Variants in MBD5 observed in about 807,000 individuals in gnomAD.
MBD5 encodes the protein methyl-CpG binding domain protein 5.
In MBD5, 13 loss-of-function variants were observed where a neutral mutation model predicts 117.3. That is an observed-to-expected ratio of 0.11 (90% CI 0.07 to 0.18). MBD5 has a LOEUF of 0.18. Ranked by LOEUF, MBD5 falls within the 10% of genes least tolerant of loss-of-function variation. MBD5 has a pLI of 1.00. For synonymous variants in MBD5, 727 were observed against 766.4 expected (o/e 0.95, Z 0.85); for missense variants, 1,879 against 2,093.8 (o/e 0.90, Z 2.00).
At chr2:148,146,300 C>T (rs1214755448) in intron 1 of MBD5, among the ~76,000 whole-genome samples, 2 of 152,094 alleles carry the variant, frequency 1.3e-5, no homozygotes, top group African/African-American at 4.8e-5. Context: ...TGCCCTTTTG[C>T]CCAGGCTGAA....
At chr2:148,420,105 GAAT>G (rs1705554829) in intron 4 of MBD5, among the ~76,000 whole-genome samples, 2 of 152,066 alleles carry the variant, frequency 1.3e-5, no homozygotes, top group Admixed American at 6.6e-5. Flanking sequence ...AAATTGTTTT[GAAT>G]TGTTTTTCCC....
chr2:148,064,290 T>C (rs570593483), intron 1 of MBD5, among the ~76,000 whole-genome samples: 10 of 152,100 alleles, frequency 6.6e-5, no homozygotes, highest in Admixed American at 2.0e-4. Flanking sequence ...TAATTTTTTG[T>C]ATTTTTAGTA....
intron 4 of MBD5, among the ~76,000 whole-genome samples, chr2:148,450,063 C>A (rs1465723852): frequency 6.6e-6 from 1 of 151,822 alleles, no homozygotes; most frequent in East Asian, 1.9e-4. Context: ...TATGTTTTTT[C>A]ACCTAACAAA....
chr2:148,301,942 C>T (rs1040324196), intron 3 of MBD5, among the ~76,000 whole-genome samples: 1 of 152,026 alleles, frequency 6.6e-6, no homozygotes, highest in South Asian at 2.1e-4. Context: ...TTCCCTGGCA[C>T]CAGCTGTGAC....
At chr2:148,332,026 A>T (rs1400994009) in intron 3 of MBD5, among the ~76,000 whole-genome samples, 1 of 152,152 alleles carries the variant, frequency 6.6e-6, no homozygotes, top group African/African-American at 2.4e-5. Flanking sequence ...AAGAAAGAAG[A>T]AATTTGCAAA....
intron 3 of MBD5, among the ~76,000 whole-genome samples, chr2:148,235,015 T>C (rs1700062744): frequency 2.0e-5 from 3 of 152,132 alleles, no homozygotes; most frequent in Admixed American, 2.0e-4. Flanking sequence ...GAACCCCCTA[T>C]GAATACCAAA....
At chr2:148,188,062 T>C (rs1221473575) in intron 2 of MBD5, among the ~76,000 whole-genome samples, 1 of 152,182 alleles carries the variant, frequency 6.6e-6, no homozygotes, top group African/African-American at 2.4e-5. Context: ...TCCAGAATGG[T>C]CCAAAATTCA....
chr2:148,057,127 C>A (rs1427260415), intron 1 of MBD5, among the ~76,000 whole-genome samples: 1 of 151,612 alleles, frequency 6.6e-6, no homozygotes, highest in Non-Finnish European at 1.5e-5. Context: ...ATAAGATTAG[C>A]AATTTTATTA....
chr2:148,179,354 CAA>C (rs762312262), intron 2 of MBD5, among the ~76,000 whole-genome samples: 14 of 70,880 alleles, frequency 2.0e-4, no homozygotes, highest in Non-Finnish European at 1.8e-4. Flanking sequence ...GACTCTGTCT[CAA>C]AAAAAAAAAA....
At chr2:148,366,589 G>A (rs184396960) in intron 4 of MBD5, among the ~76,000 whole-genome samples, 83 of 152,242 alleles carry the variant, frequency 5.5e-4, no homozygotes, top group African/African-American at 1.9e-3. Flanking sequence ...CATTGTCTCA[G>A]CCCAAAATCT....
At chr2:148,383,546 A>C (rs1020462290) in intron 4 of MBD5, among the ~76,000 whole-genome samples, 20 of 152,134 alleles carry the variant, frequency 1.3e-4, no homozygotes, top group Admixed American at 5.9e-4. Flanking sequence ...AGCTGGTACC[A>C]TTCCTTCTGA....
At chr2:148,297,200 A>G (rs148195268) in intron 3 of MBD5, among the ~76,000 whole-genome samples, 33 of 152,172 alleles carry the variant, frequency 2.2e-4, no homozygotes, top group African/African-American at 7.9e-4. Flanking sequence ...TGCATATCTT[A>G]TAATATTTTA....
chr2:148,295,897 A>AG (rs750712175), intron 3 of MBD5: 28 of 163,688 alleles, frequency 1.7e-4, no homozygotes, highest in Non-Finnish European at 3.6e-4. Context: ...TTTCAGATGT[A>AG]GAGCTCTAAT....
chr2:148,408,887 T>C (rs1705165309), intron 4 of MBD5, among the ~76,000 whole-genome samples: 1 of 152,090 alleles, frequency 6.6e-6, no homozygotes, highest in Admixed American at 6.6e-5. Flanking sequence ...TCACATAGCA[T>C]TTACATCGTA....
Position 148,458,741 on chromosome 2 carries a change from C to G in MBD5, c.-18C>G, listed in dbSNP as rs1559080580. ...CTTATTGCTGATATCTTTGGAGAGT[C>G]CCTAGCAGACACAGAAAATGAATGG... On this transcript the variant is annotated 5_prime_UTR_variant, in exon 5 of 14. Coordinates refer to ENST00000642680, the MANE Select transcript of MBD5 (RefSeq NM_001378120.1). 1 of 1,590,342 alleles carries G rather than the reference C, an allele frequency of 6.3e-7. No homozygotes were observed. Among genetic ancestry groups the G allele is most frequent in the Non-Finnish European group, 8.6e-7 (1 of 1,158,524 alleles).
At chr2:148,216,451 T>C (rs1443632119) in intron 2 of MBD5, among the ~76,000 whole-genome samples, 1 of 152,188 alleles carries the variant, frequency 6.6e-6, no homozygotes, top group Non-Finnish European at 1.5e-5. Flanking sequence ...AAAAAACTTT[T>C]TTTTTCTGTA....
At chr2:148,316,156 T>C (rs1047575645) in intron 3 of MBD5, among the ~76,000 whole-genome samples, 1 of 152,136 alleles carries the variant, frequency 6.6e-6, no homozygotes, top group East Asian at 1.9e-4. Context: ...ACCCCCATGA[T>C]CCAATCACCT....
chr2:148,219,378 C>CT (rs35977410), intron 2 of MBD5, among the ~76,000 whole-genome samples: 97 of 149,154 alleles, frequency 6.5e-4, no homozygotes, highest in East Asian at 7.8e-4. Flanking sequence ...TTACAGTTAA[C>CT]TTTTTTTTTT....
intron 4 of MBD5, 98 bp from the exon 5 acceptor site, chr2:148,458,105 G>C: frequency 2.5e-6 from 1 of 393,760 alleles, no homozygotes. Context: ...ACATCAATGT[G>C]ATTGGGTACA....
Sources: gnomAD v4.1 joint callset for allele counts (sites outside exome capture counted in the v4.1 genomes callset) on GRCh38, gnomAD v4.1.1 for gene constraint, MANE v1.5 for transcripts, NCBI Gene and HGNC (gene_info 2026-07-23, HGNC 2026-07-21) for gene names.